ETS2: variants seen among roughly 807,000 people sequenced by gnomAD.
ETS2 encodes the protein ETS proto-oncogene 2, transcription factor.
In ETS2, 19 loss-of-function variants were observed where a neutral mutation model predicts 54.9. The observed-to-expected ratio is 0.35, with a 90% CI of 0.24 to 0.51. The LOEUF (loss-of-function observed/expected upper bound fraction) is 0.51, where lower values mean the gene tolerates loss of function less well. Among genes scored for constraint, ETS2 ranks in the 20% least tolerant of loss-of-function variants. The pLI is 0.97. For missense variants in ETS2, 417 were observed against 593.0 expected, an observed-to-expected ratio of 0.70 and a Z score of 3.08; for synonymous variants, 219 against 229.3, an observed-to-expected ratio of 0.95 and a Z score of 0.41.
chr21:38,805,937 C>G lies in ETS2; in HGVS notation c.-184C>G. 6 of 1,264,854 alleles carry G rather than the reference C, an allele frequency of 4.7e-6. No homozygotes were observed. Among genetic ancestry groups the G allele is most frequent in the Non-Finnish European group, 6.1e-6 (6 of 979,444 alleles). 78.4% of individuals were successfully genotyped at this position (1,264,854 alleles called of 1,614,324 possible). On this transcript the variant is annotated 5_prime_UTR_variant, in exon 1 of 10. Transcript: ENST00000360938. The surrounding 1 kb of genome is among the most constrained non-coding windows in gnomAD (Gnocchi z 5.2). ...CGCGTGGGGGACGGCCCGGTTACTT[C>G]CTCCAGAGACTGACGAGTGCGGTGT...
rs780811710 is a variant in ETS2, at chr21:38,814,834, A to G, written c.358A>G (p.Asn120Asp). 1 of 1,614,074 alleles carries G rather than the reference A, an allele frequency of 6.2e-7. No individual in the cohort carries two copies. Among genetic ancestry groups the G allele is most frequent in the Non-Finnish European group, 8.5e-7 (1 of 1,180,042 alleles). Residue 120 changes from asparagine (N) to aspartate (D), a missense_variant, in exon 5 of 10, where the codon AAT becomes GAT. Asn to Asp is a conservative substitution (Grantham distance 23). Around this residue, in one of 3 missense-constraint regions of ETS2, gnomAD observed 326 missense variants for 426.1 expected, o/e 0.76. Coordinates refer to ENST00000360938, the MANE Select transcript of ETS2 (RefSeq NM_005239.6). The surrounding 1 kb of genome is among the most constrained non-coding windows in gnomAD (Gnocchi z 4.2). ...ATGCCAGTGGCTTCTCTGGGCCACC[A>G]ATGAGTTCAGTCTGGTGAACGTGAA... ...QVCQWLLWAT[N>D]EFSLVNVNLQ...
chr21:38,806,851 T>C lies in ETS2; in HGVS notation c.-1+731T>C. ...TGTGTGTGTTTGGGTTGCGTGTGTGTTATCCTATTTTATTTTTTACGGCAG... is the reference window on the plus strand; with the variant it reads ...TGTGTGTGTTTGGGTTGCGTGTGTGCTATCCTATTTTATTTTTTACGGCAG... On this transcript the variant is annotated intron_variant, in intron 1 of 9. Coordinates refer to ENST00000360938, the MANE Select transcript of ETS2 (RefSeq NM_005239.6). This position sits in a 1 kb window ranked among gnomAD's most constrained non-coding sequence, Gnocchi z 4.3. 1.0e-6 allele frequency: 1 copy of C among 985,240 alleles called. No homozygotes were observed. The highest frequency in any genetic ancestry group is 4.7e-5 in the South Asian group (1 of 21,290). The allele number at this position is 985,240 out of a possible 1,614,324, so 61.0% of individuals were successfully genotyped here. A position where few individuals can be genotyped will look rare whatever the true frequency, so the allele number is the denominator to read the frequency against.
intron 5 of ETS2, among the ~76,000 whole-genome samples, chr21:38,816,751 G>A (rs1310205916): frequency 6.6e-6 from 1 of 152,178 alleles, no homozygotes; most frequent in African/African-American, 2.4e-5. Flanking sequence ...TGGACCTTTT[G>A]CGATAGAAAA....
intron 2 of ETS2, among the ~76,000 whole-genome samples, chr21:38,812,174 A>C (rs2060916197): frequency 6.6e-6 from 1 of 152,226 alleles, no homozygotes; most frequent in African/African-American, 2.4e-5. Flanking sequence ...ACATTTCAAA[A>C]TAAATGCTTC....
rs563116610 is a variant in ETS2 at position 38,818,409 on chromosome 21, G to A, written c.590-16G>A. On this transcript the variant is annotated splice_polypyrimidine_tract_variant and intron_variant, in intron 6 of 9. Coordinates refer to ENST00000360938, the MANE Select transcript of ETS2 (RefSeq NM_005239.6). ...ACTGACTTTAAGAGCTCTGCCGTCC[G>A]ATTGTTCTGTTCCAGGTTTTGGCAC... 4.5e-5 allele frequency: 72 copies of A among 1,613,734 alleles called. No homozygotes were observed. The highest frequency in any genetic ancestry group is 1.7e-4 in the Middle Eastern group (1 of 5,786).
Position 38,814,139 on chromosome 21 carries a change from C to A in ETS2, c.185-134C>A. 2.4e-6 allele frequency: 2 copies of A among 831,952 alleles called. No homozygotes were observed. The highest frequency in any genetic ancestry group is 2.4e-5 in the Admixed American group (1 of 41,180). 51.5% of individuals were successfully genotyped at this position (831,952 alleles called of 1,614,324 possible). ...CAGAAAAGTTTTTTGTTAATAGTTA[C>A]ACTGTTTTAAGGAATCATGCCAAGG... On this transcript the variant is annotated intron_variant, in intron 3 of 9. Coordinates refer to ENST00000360938, the MANE Select transcript of ETS2 (RefSeq NM_005239.6). The surrounding 1 kb of genome is among the most constrained non-coding windows in gnomAD (Gnocchi z 4.2).
chr21:38,820,743 C>T (rs1313947640), intron 8 of ETS2, among the ~76,000 whole-genome samples: 4 of 152,338 alleles, frequency 2.6e-5, no homozygotes, highest in East Asian at 1.9e-4. Context: ...ATGCCTGTCC[C>T]GTGCTTTACA....
chr21:38,810,112 T>A lies in ETS2; in HGVS notation c.72+6T>A. The A allele has an allele frequency of 6.7e-7, 1 of 1,500,992 alleles. No homozygotes were observed. The highest frequency in any genetic ancestry group is 2.6e-5 in the East Asian group (1 of 39,006). 93.0% of individuals were successfully genotyped at this position (1,500,992 alleles called of 1,614,324 possible). A position where few individuals can be genotyped will look rare whatever the true frequency, so the allele number is the denominator to read the frequency against. ...GTTACAGAGGGACACTCAAGGTGAG[T>A]GGGCAAGTCTTAATTTTTTTTTTTA... is the stretch of plus-strand genomic sequence containing the variant. On this transcript the variant is annotated splice_donor_region_variant and intron_variant, in intron 2 of 9. Coordinates refer to ENST00000360938, the MANE Select transcript of ETS2 (RefSeq NM_005239.6).
Position 38,814,261 on chromosome 21 carries a change from G to T in ETS2, c.185-12G>T, listed in dbSNP as rs1289485737. 1.2e-6 allele frequency: 2 copies of T among 1,613,760 alleles called. No homozygotes were observed. The highest frequency in any genetic ancestry group is 1.7e-6 in the Non-Finnish European group (2 of 1,179,844). Reference sequence around the variant, plus strand: ...TGAAGTCCTAATGTCCCCATGGGGGGTTTCCTTCCAGACTCCGCCAACTGT... The same window carrying T: ...TGAAGTCCTAATGTCCCCATGGGGGTTTTCCTTCCAGACTCCGCCAACTGT... On this transcript the variant is annotated splice_polypyrimidine_tract_variant and intron_variant, in intron 3 of 9. Transcript: ENST00000360938. This position sits in a 1 kb window ranked among gnomAD's most constrained non-coding sequence, Gnocchi z 4.2.
chr21:38,809,911 G>A (rs1280750092), intron 1 of ETS2, 124 bp from the exon 2 acceptor site: 2 of 618,440 alleles, frequency 3.2e-6, no homozygotes, highest in Non-Finnish European at 5.6e-6. Flanking sequence ...AGAATTCCCT[G>A]CATTCACTTT....
At position 38,806,240 on chromosome 21, in the gene ETS2, G is replaced by A. The variant is rs938671412; in HGVS notation, c.-1+120G>A. The A allele has an allele frequency of 4.3e-5, 42 of 979,736 alleles. No individual in the cohort carries two copies. Among genetic ancestry groups the A allele is most frequent in the Non-Finnish European group, 5.0e-5 (41 of 823,476 alleles). The allele number at this position is 979,736 out of a possible 1,614,324, so 60.7% of individuals were successfully genotyped here. A position where few individuals can be genotyped will look rare whatever the true frequency, so the allele number is the denominator to read the frequency against. On this transcript the variant is annotated intron_variant, in intron 1 of 9. Coordinates refer to ENST00000360938, the MANE Select transcript of ETS2 (RefSeq NM_005239.6). The surrounding 1 kb of genome is among the most constrained non-coding windows in gnomAD (Gnocchi z 4.3). The stretch of plus-strand genomic sequence containing the variant: ...ACGCAGATCTCGGGGCGCTGCCGGG[G>A]GTGCAGGTGGGGGTGGCGGCTGCTG...
chr21:38,823,138 A>G lies in ETS2; in HGVS notation c.*249A>G, dbSNP rs1023571475. 101 of 341,942 alleles carry G rather than the reference A, an allele frequency of 3.0e-4. No individual in the cohort carries two copies. Among genetic ancestry groups the G allele is most frequent in the African/African-American group, 1.9e-3 (92 of 47,462 alleles). The allele number at this position is 341,942 out of a possible 1,614,324, so 21.2% of individuals were successfully genotyped here. On this transcript the variant is annotated 3_prime_UTR_variant, in exon 10 of 10. Coordinates refer to ENST00000360938, the MANE Select transcript of ETS2 (RefSeq NM_005239.6). ...AAATGGTCGAGAAAGAGGCACCAGG[A>G]AGCCGTCCTGGCGCCTGGCAGTCCG...
At position 38,823,831 on chromosome 21, in the gene ETS2, G is replaced by C; in HGVS notation, c.*942G>C. 1 of 152,618 alleles carries C rather than the reference G, an allele frequency of 6.6e-6. No homozygotes were observed. Among genetic ancestry groups the C allele is most frequent in the East Asian group, 1.9e-4 (1 of 5,188 alleles). 9.5% of individuals were successfully genotyped at this position (152,618 alleles called of 1,614,324 possible). The stretch of plus-strand genomic sequence containing the variant: ...ATATGTTTTCCACTTCTTTGCATGC[G>C]TTTAAGTCAGTTTATACACAAAATG... On this transcript the variant is annotated 3_prime_UTR_variant, in exon 10 of 10. Coordinates refer to ENST00000360938, the MANE Select transcript of ETS2 (RefSeq NM_005239.6).
At position 38,806,237 on chromosome 21, in the gene ETS2, G is replaced by A. The variant is rs1261013367; in HGVS notation, c.-1+117G>A. 1 of 982,532 alleles carries A rather than the reference G, an allele frequency of 1.0e-6. No individual in the cohort carries two copies. Among genetic ancestry groups the A allele is most frequent in the Non-Finnish European group, 1.2e-6 (1 of 825,920 alleles). The allele number at this position is 982,532 out of a possible 1,614,324, so 60.9% of individuals were successfully genotyped here. On this transcript the variant is annotated intron_variant, in intron 1 of 9. Transcript: ENST00000360938. This position sits in a 1 kb window ranked among gnomAD's most constrained non-coding sequence, Gnocchi z 4.3. Reference sequence around the variant, plus strand: ...GACACGCAGATCTCGGGGCGCTGCCGGGGGTGCAGGTGGGGGTGGCGGCTG... The same window carrying A: ...GACACGCAGATCTCGGGGCGCTGCCAGGGGTGCAGGTGGGGGTGGCGGCTG...
rs755006067 is a variant in ETS2, at chr21:38,822,734, CG to C, written c.1259del (p.Gly420AlafsTer104). ...CAAGATGAACTACGAGAAGCTGAGCCGGGGCTTACGCTACTATTACGACAAG... is the reference window on the plus strand; with the variant it reads ...CAAGATGAACTACGAGAAGCTGAGCCGGGCTTACGCTACTATTACGACAAG... Reference protein sequence around the residue: ...KPKMNYEKLSRGLRYYYDKNI... With the variant: ...KPKMNYEKLSXGLRYYYDKNI... On this transcript the variant is annotated frameshift_variant, in exon 10 of 10. Transcript: ENST00000360938. LOFTEE classifies it high-confidence loss of function. 1 of 1,614,098 alleles carries C rather than the reference CG, an allele frequency of 6.2e-7. No homozygotes were observed. The highest frequency in any genetic ancestry group is 8.5e-7 in the Non-Finnish European group (1 of 1,179,996).
rs1226403332 is a variant in ETS2 at position 38,806,117 on chromosome 21, CAG to C, written c.-3_-2del. On this transcript the variant is annotated splice_region_variant and 5_prime_UTR_variant, in exon 1 of 10. Coordinates refer to ENST00000360938, the MANE Select transcript of ETS2 (RefSeq NM_005239.6). The surrounding 1 kb of genome is among the most constrained non-coding windows in gnomAD (Gnocchi z 4.3). ...CAAGCGCCGGCCCTGCCCGCAGCGG[CAG>C]GGTAAGAGCTGGGCCCGCAGAGAGC... 5.8e-4 allele frequency: 613 copies of C among 1,053,914 alleles called. 5 individuals carry two copies. In the African/African-American group the frequency reaches 9.7e-3, roughly 17 times the overall value. The allele number at this position is 1,053,914 out of a possible 1,614,324, so 65.3% of individuals were successfully genotyped here.
rs116355602 is a variant in ETS2, at chr21:38,820,873, T to C, written c.1076-713T>C. ...CCTGTTTGCTGTGATGGGCGTGTGA[T>C]CCAGGACAAGGCACCTGGCCTCTGA... On this transcript the variant is annotated intron_variant, in intron 8 of 9. Transcript: ENST00000360938. Among the ~76,000 whole-genome samples, 529 of 152,334 alleles carry C rather than the reference T, an allele frequency of 3.5e-3. 3 individuals are homozygous for C. The highest frequency in any genetic ancestry group is 0.012 in the African/African-American group (500 of 41,576).
intron 3 of ETS2, among the ~76,000 whole-genome samples, chr21:38,813,824 TG>T (rs1429037898): frequency 6.6e-6 from 1 of 152,240 alleles, no homozygotes; most frequent in Non-Finnish European, 1.5e-5. Context: ...TCAATAAAAA[TG>T]GAAGGTGTGG....
chr21:38,815,564 C>A (rs1296006893), intron 5 of ETS2, among the ~76,000 whole-genome samples: 1 of 151,918 alleles, frequency 6.6e-6, no homozygotes, highest in Non-Finnish European at 1.5e-5. Flanking sequence ...AGAAATCTCA[C>A]CAAATACAGA....
Sources: gnomAD v4.1 joint callset for allele counts (sites outside exome capture counted in the v4.1 genomes callset) on GRCh38, gnomAD v4.1.1 for gene constraint, gnomAD v4.1.1 regional missense constraint, Gnocchi (gnomAD v3.1) non-coding constraint, MANE v1.5 for transcripts, NCBI Gene and HGNC (gene_info 2026-07-23, HGNC 2026-07-21) for gene names.